Variants in SOBP observed in about 807,000 individuals in gnomAD.
The protein encoded by SOBP is sine oculis binding protein homolog.
A neutral mutation model predicts 53.6 loss-of-function variants in SOBP; 4 were observed. The ratio of observed to expected loss-of-function variants is 0.07; its 90% CI spans 0.04 to 0.17. SOBP has a LOEUF of 0.17. Among genes scored for constraint, SOBP ranks in the 10% least tolerant of loss-of-function variants. The pLI, the probability that SOBP is intolerant of heterozygous loss-of-function variation, is 1.00. For synonymous variants in SOBP, 584 were observed against 522.6 expected (o/e 1.12, Z -1.60); for missense variants, 1,088 against 1,204.7 (o/e 0.90, Z 1.43).
Position 107,506,279 on chromosome 6 carries a change from T to C in SOBP, c.273T>C (p.Ser91=), listed in dbSNP as rs1347598359. The change falls in exon 3 of 7, where the codon AGT becomes AGC. Residue 91 remains serine (S), a synonymous_variant. Coordinates refer to ENST00000317357, the MANE Select transcript of SOBP (RefSeq NM_018013.4). ...SLPKPKLPED[S]VISPYNISTG... ...CAAAACCAAAATTACCCGAGGACAG[T>C]GTTATTTCACCATACAATATAAGCA... 6.2e-7 allele frequency: 1 copy of C among 1,614,190 alleles called. No individual in the cohort carries two copies. Among genetic ancestry groups the C allele is most frequent in the African/African-American group, 1.3e-5 (1 of 75,040 alleles).
At chr6:107,531,494 C>T (rs1335214954) in intron 3 of SOBP, among the ~76,000 whole-genome samples, 2 of 152,018 alleles carry the variant, frequency 1.3e-5, no homozygotes, top group Non-Finnish European at 2.9e-5. Context: ...AAGAAAACTG[C>T]TCCATACACC....
intron 1 of SOBP, among the ~76,000 whole-genome samples, chr6:107,497,672 G>C (rs1013599286): frequency 6.6e-6 from 1 of 151,960 alleles, no homozygotes; most frequent in African/African-American, 2.4e-5. Flanking sequence ...ACTGTTAATA[G>C]CTTTTCATGG....
At chr6:107,575,754 G>A (rs1341621799) in intron 4 of SOBP, among the ~76,000 whole-genome samples, 3 of 152,132 alleles carry the variant, frequency 2.0e-5, no homozygotes, top group Non-Finnish European at 2.9e-5. Flanking sequence ...AGAAGACAGG[G>A]TGACAGAGGA....
At chr6:107,565,813 A>G (rs1784900841) in intron 4 of SOBP, among the ~76,000 whole-genome samples, 1 of 152,224 alleles carries the variant, frequency 6.6e-6, no homozygotes, top group South Asian at 2.1e-4. Flanking sequence ...AACCAGGAAC[A>G]CTATGGGAAA....
intron 5 of SOBP, among the ~76,000 whole-genome samples, chr6:107,592,410 C>A (rs1005801994): frequency 6.6e-6 from 1 of 152,194 alleles, no homozygotes; most frequent in African/African-American, 2.4e-5. Flanking sequence ...TAACAAGAAC[C>A]CCTGAAAGGT....
chr6:107,553,068 C>T (rs1784506330), intron 4 of SOBP, among the ~76,000 whole-genome samples: 1 of 152,036 alleles, frequency 6.6e-6, no homozygotes, highest in African/African-American at 2.4e-5. Context: ...TGTAACCAAA[C>T]ACCACCTGTT....
At chr6:107,616,782 G>T (rs1409897995) in intron 5 of SOBP, among the ~76,000 whole-genome samples, 2 of 152,216 alleles carry the variant, frequency 1.3e-5, no homozygotes, top group African/African-American at 4.8e-5. Context: ...CGAAGCAGCG[G>T]ACACTCACAG....
rs1783755965 is a variant in SOBP at position 107,529,422 on chromosome 6, A to T, written c.422-4037A>T. ...TTGTAACTTGTCTCAAATATAATCC[A>T]GGTCTTTCATTGATTATCTGGATGT... On this transcript the variant is annotated intron_variant, in intron 3 of 6. Transcript: ENST00000317357. 3.0e-6 allele frequency: 3 copies of T among 983,790 alleles called. No homozygotes were observed. The African/African-American group carries it at 5.2e-5, about 17-fold the overall frequency. 60.9% of individuals were successfully genotyped at this position (983,790 alleles called of 1,614,324 possible). A position where few individuals can be genotyped will look rare whatever the true frequency, so the allele number is the denominator to read the frequency against.
At chr6:107,556,436 A>G (rs559633994) in intron 4 of SOBP, among the ~76,000 whole-genome samples, 1 of 152,346 alleles carries the variant, frequency 6.6e-6, no homozygotes, top group Non-Finnish European at 1.5e-5. Flanking sequence ...AAATCTCATA[A>G]TGCTCACAGC....
chr6:107,502,067 C>T lies in SOBP; in HGVS notation c.97-1590C>T, dbSNP rs185062883. Among the ~76,000 whole-genome samples the T allele has an allele frequency of 3.9e-5, 6 of 152,250 alleles. No individual in the cohort carries two copies. In the East Asian group the frequency reaches 9.6e-4, roughly 24 times the overall value. On this transcript the variant is annotated intron_variant, in intron 1 of 6. Transcript: ENST00000317357. ...TTACGTGGGTACTAAAGCAAAAAAT[C>T]TAGCATCCTGTGGGTAGTTTGAAAT... is the stretch of plus-strand genomic sequence containing the variant.
At chr6:107,620,597 T>C (rs1475805016) in intron 5 of SOBP, among the ~76,000 whole-genome samples, 1 of 152,194 alleles carries the variant, frequency 6.6e-6, no homozygotes, top group Non-Finnish European at 1.5e-5. Context: ...TAGCACACAG[T>C]TCTTTTCCTC....
intron 4 of SOBP, among the ~76,000 whole-genome samples, chr6:107,568,332 G>T (rs1784975248): frequency 1.3e-5 from 2 of 152,170 alleles, no homozygotes; most frequent in African/African-American, 4.8e-5. Flanking sequence ...TTAAAAATAT[G>T]TATTTTATTG....
intron 4 of SOBP, among the ~76,000 whole-genome samples, chr6:107,548,322 T>C (rs1472658796): frequency 6.6e-6 from 1 of 151,650 alleles, no homozygotes; most frequent in Non-Finnish European, 1.5e-5. Flanking sequence ...GGCGTGATCT[T>C]GGCTCACTGC....
At chr6:107,615,454 G>A (rs1051889941) in intron 5 of SOBP, among the ~76,000 whole-genome samples, 6 of 152,168 alleles carry the variant, frequency 3.9e-5, no homozygotes, top group Admixed American at 3.3e-4. Context: ...TTGAGGAAAC[G>A]ACAGCCTTTG....
intron 6 of SOBP, among the ~76,000 whole-genome samples, chr6:107,639,779 A>G (rs897010926): frequency 1.1e-4 from 16 of 152,210 alleles, no homozygotes; most frequent in Non-Finnish European, 1.8e-4. Context: ...AAGATATTCA[A>G]AAGAAAATAT....
At chr6:107,508,187 T>C (rs1334935645) in intron 3 of SOBP, among the ~76,000 whole-genome samples, 1 of 152,248 alleles carries the variant, frequency 6.6e-6, no homozygotes, top group African/African-American at 2.4e-5. Flanking sequence ...TACAAGTTCC[T>C]GGGCTTATGT....
chr6:107,503,612 GT>G, intron 1 of SOBP, 44 bp from the exon 2 acceptor site: 1 of 1,606,614 alleles, frequency 6.2e-7, no homozygotes, highest in Non-Finnish European at 8.5e-7. Context: ...TTTTCAAGTA[GT>G]TATTGATTAT....
At chr6:107,601,467 G>A (rs1786177662) in intron 5 of SOBP, among the ~76,000 whole-genome samples, 2 of 152,204 alleles carry the variant, frequency 1.3e-5, no homozygotes, top group Non-Finnish European at 2.9e-5. Context: ...TTAAAAATAA[G>A]TGTTTGTCAT....
chr6:107,630,724 GAC>G (rs36145877), intron 5 of SOBP, among the ~76,000 whole-genome samples: 116,473 of 148,724 alleles, frequency 0.78, 46,043 homozygotes, highest in Middle Eastern at 0.89. Flanking sequence ...ATAAGGCAAG[GAC>G]ACACACACAC....
Sources: gnomAD v4.1 joint callset for allele counts (sites outside exome capture counted in the v4.1 genomes callset) on GRCh38, gnomAD v4.1.1 for gene constraint, MANE v1.5 for transcripts, NCBI Gene and HGNC (gene_info 2026-07-23, HGNC 2026-07-21) for gene names.